Variants in PTPRO observed in about 807,000 individuals in gnomAD.
The protein encoded by PTPRO is protein tyrosine phosphatase receptor type O, also known as receptor-type tyrosine-protein phosphatase O.
A neutral mutation model predicts 145.2 loss-of-function variants in PTPRO; 62 were observed. The ratio of observed to expected loss-of-function variants is 0.43; its 90% CI spans 0.35 to 0.53. The LOEUF is 0.53. PTPRO is among the 20% of genes least tolerant of loss of function. The probability of loss-of-function intolerance (pLI) is 0.01; values close to 1 mark genes in which losing one functional copy is unlikely to be tolerated. For missense variants in PTPRO, 1,345 were observed against 1,482.7 expected, an observed-to-expected ratio of 0.91 and a Z score of 1.53; for synonymous variants, 565 against 514.7, an observed-to-expected ratio of 1.10 and a Z score of -1.32.
intron 1 of PTPRO, among the ~76,000 whole-genome samples, chr12:15,463,618 A>G (rs569125811): frequency 6.6e-6 from 1 of 152,258 alleles, no homozygotes; most frequent in Admixed American, 6.5e-5. Flanking sequence ...TCACCATTAT[A>G]TCATTCAATA....
intron 1 of PTPRO, among the ~76,000 whole-genome samples, chr12:15,345,317 A>G (rs1296753745): frequency 6.6e-6 from 1 of 152,204 alleles, no homozygotes; most frequent in Non-Finnish European, 1.5e-5. Context: ...ACGTGTGTTT[A>G]TTGTGGCACT....
intron 7 of PTPRO, 54 bp from the exon 8 acceptor site, chr12:15,515,444 T>A: frequency 4.4e-6 from 7 of 1,604,430 alleles, no homozygotes; most frequent in Non-Finnish European, 6.0e-6. Flanking sequence ...AGCCTCTGTG[T>A]AACATTCTGA....
At chr12:15,378,352 T>G (rs1461676532) in intron 1 of PTPRO, among the ~76,000 whole-genome samples, 1 of 151,988 alleles carries the variant, frequency 6.6e-6, no homozygotes, top group East Asian at 1.9e-4. Flanking sequence ...AAATACACTA[T>G]TATAGTATAT....
intron 25 of PTPRO, among the ~76,000 whole-genome samples, chr12:15,591,532 T>G (rs1944553214): frequency 6.6e-6 from 1 of 152,204 alleles, no homozygotes; most frequent in Non-Finnish European, 1.5e-5. Context: ...ACCATGTCGC[T>G]TTCTGCAAAG....
chr12:15,584,859 CTAAG>C (rs1410192836), intron 23 of PTPRO, among the ~76,000 whole-genome samples: 4 of 151,956 alleles, frequency 2.6e-5, no homozygotes, highest in African/African-American at 9.7e-5. Flanking sequence ...TTAGGAATAG[CTAAG>C]TAAGATAAAA....
intron 1 of PTPRO, among the ~76,000 whole-genome samples, chr12:15,323,284 G>A (rs1170743875): frequency 6.6e-6 from 1 of 152,122 alleles, no homozygotes; most frequent in African/African-American, 2.4e-5. Context: ...GCTACGTTAG[G>A]GCAGAATTTT....
At chr12:15,418,975 A>C (rs1396149924) in intron 1 of PTPRO, among the ~76,000 whole-genome samples, 1 of 151,732 alleles carries the variant, frequency 6.6e-6, no homozygotes, top group Non-Finnish European at 1.5e-5. Flanking sequence ...CAAGAGTAAG[A>C]TTTCACATAC....
intron 19 of PTPRO, among the ~76,000 whole-genome samples, chr12:15,571,705 A>G (rs1944054659): frequency 6.6e-6 from 1 of 152,102 alleles, no homozygotes; most frequent in African/African-American, 2.4e-5. Context: ...TTGAAAATTA[A>G]CAGGGGAGGA....
chr12:15,442,507 A>G (rs1041440969), intron 1 of PTPRO, among the ~76,000 whole-genome samples: 2 of 152,182 alleles, frequency 1.3e-5, no homozygotes, highest in African/African-American at 4.8e-5. Flanking sequence ...GCAATCAGGC[A>G]ACAGAAAGAA....
intron 12 of PTPRO, among the ~76,000 whole-genome samples, chr12:15,533,339 T>G (rs1943000442): frequency 6.6e-6 from 1 of 152,214 alleles, no homozygotes; most frequent in South Asian, 2.1e-4. Flanking sequence ...CTTATTCCTC[T>G]CTGTAGACAA....
intron 1 of PTPRO, among the ~76,000 whole-genome samples, chr12:15,359,463 C>G (rs1347193410): frequency 8.1e-6 from 1 of 122,906 alleles, no homozygotes; most frequent in East Asian, 2.4e-4. Flanking sequence ...CTCACTCTGT[C>G]GGCAGGGCTG....
At chr12:15,515,708 G>C in intron 8 of PTPRO, 90 bp downstream of exon 8, 5 of 1,537,858 alleles carry the variant, frequency 3.3e-6, no homozygotes, top group Non-Finnish European at 4.5e-6. Context: ...CATTATCATC[G>C]TATTTGGAAG....
chr12:15,459,739 G>A (rs1737706405), intron 1 of PTPRO, among the ~76,000 whole-genome samples: 1 of 152,164 alleles, frequency 6.6e-6, no homozygotes, highest in African/African-American at 2.4e-5. Context: ...ATGTAACAGA[G>A]AATTTTCATG....
intron 1 of PTPRO, among the ~76,000 whole-genome samples, chr12:15,409,823 C>T (rs1591786280): frequency 6.6e-6 from 1 of 152,292 alleles, no homozygotes; most frequent in East Asian, 1.9e-4. Flanking sequence ...GGGGAGGGTG[C>T]TAAACCCTTC....
chr12:15,423,029 T>C (rs943764222), intron 1 of PTPRO, among the ~76,000 whole-genome samples: 8 of 152,226 alleles, frequency 5.3e-5, no homozygotes, highest in African/African-American at 1.2e-4. Context: ...TTTGTTTAAC[T>C]TTTTGAGGAG....
intron 1 of PTPRO, among the ~76,000 whole-genome samples, chr12:15,450,516 G>A (rs977695215): frequency 6.6e-6 from 1 of 152,206 alleles, no homozygotes; most frequent in Non-Finnish European, 1.5e-5. Context: ...GCTCATGCCT[G>A]TAATCCCAGC....
chr12:15,475,870 T>C (rs1941641482), intron 1 of PTPRO, among the ~76,000 whole-genome samples: 1 of 152,194 alleles, frequency 6.6e-6, no homozygotes, highest in African/African-American at 2.4e-5. Context: ...AGAATATCAA[T>C]TAGTAACTTC....
intron 1 of PTPRO, among the ~76,000 whole-genome samples, chr12:15,331,232 T>G (rs760300612): frequency 2.6e-5 from 4 of 152,042 alleles, no homozygotes; most frequent in Non-Finnish European, 5.9e-5. Flanking sequence ...GCAAACAGCA[T>G]CTAATGCAAC....
chr12:15,443,322 A>G (rs1027282418), intron 1 of PTPRO, among the ~76,000 whole-genome samples: 1 of 152,136 alleles, frequency 6.6e-6, no homozygotes, highest in Admixed American at 6.5e-5. Context: ...CCCATATACT[A>G]CAATTAACTG....
Sources: allele counts gnomAD v4.1 joint callset (sites outside exome capture counted in the v4.1 genomes callset), GRCh38; gene constraint gnomAD v4.1.1; transcripts MANE v1.5; gene names NCBI Gene and HGNC (gene_info 2026-07-23, HGNC 2026-07-21).